UTS2B: variants seen among roughly 807,000 people sequenced by gnomAD.
The protein encoded by UTS2B is urotensin 2B.
In UTS2B, 21 loss-of-function variants were observed where a neutral mutation model predicts 19.2. The ratio of observed to expected loss-of-function variants is 1.09; its 90% CI spans 0.78 to 1.58. The LOEUF is 1.58. Ranked by LOEUF, UTS2B falls within the 40% of genes most tolerant of loss-of-function variation. The probability of loss-of-function intolerance (pLI) is 0.00; values close to 1 mark genes in which losing one functional copy is unlikely to be tolerated. For missense variants in UTS2B, 138 were observed against 130.3 expected (o/e 1.06, Z -0.29); for synonymous variants, 57 against 50.2 (o/e 1.14, Z -0.58).
At chr3:191,312,331 A>G (rs1459408281) in intron 3 of UTS2B, among the ~76,000 whole-genome samples, 1 of 152,126 alleles carries the variant, frequency 6.6e-6, no homozygotes, top group African/African-American at 2.4e-5. Flanking sequence ...GATCCTGAGG[A>G]CACCAAAAGT....
At chr3:191,274,157 C>A (rs1038299250) in intron 8 of UTS2B, among the ~76,000 whole-genome samples, 1 of 151,894 alleles carries the variant, frequency 6.6e-6, no homozygotes, top group African/African-American at 2.4e-5. Context: ...TCTTCTGCCA[C>A]TTCATCCTTC....
chr3:191,284,830 A>G (rs559844670), intron 4 of UTS2B, among the ~76,000 whole-genome samples: 2 of 152,198 alleles, frequency 1.3e-5, no homozygotes, highest in Admixed American at 6.5e-5. Flanking sequence ...GTGATGAAAA[A>G]TAAGTCCCTA....
rs1177052149 is a variant in UTS2B, at chr3:191,268,438, CA to C, written c.337del (p.Cys113AlafsTer42). On this transcript the variant is annotated frameshift_variant and splice_region_variant, in exon 9 of 9. Coordinates refer to ENST00000340524, the MANE Select transcript of UTS2B (RefSeq NM_198152.5). LOFTEE classifies it high-confidence loss of function. ...GCTTTAAACACAGTATTTCCAAAAG[CA>C]AGCTAAAGAAGAAAACAAAATACAT... ...LFSSHPSKRA[C>X]FWKYCV The C allele has an allele frequency of 6.4e-6, 10 of 1,559,884 alleles. No homozygotes were observed. Among genetic ancestry groups the C allele is most frequent in the Admixed American group, 1.8e-5 (1 of 56,836 alleles).
chr3:191,322,168 G>C (rs895724924), intron 2 of UTS2B, among the ~76,000 whole-genome samples: 1 of 152,082 alleles, frequency 6.6e-6, no homozygotes, highest in Non-Finnish European at 1.5e-5. Flanking sequence ...TAACCTGGTA[G>C]AAACATTTTA....
intron 3 of UTS2B, among the ~76,000 whole-genome samples, chr3:191,306,447 T>C (rs1717143777): frequency 2.6e-5 from 4 of 152,254 alleles, no homozygotes; most frequent in Admixed American, 2.6e-4. Flanking sequence ...TTTATATTTA[T>C]CATTTTAATC....
intron 4 of UTS2B, among the ~76,000 whole-genome samples, chr3:191,294,253 T>C (rs746798393): frequency 3.9e-5 from 6 of 151,916 alleles, no homozygotes; most frequent in Non-Finnish European, 7.4e-5. Context: ...TTTAGAATCA[T>C]TACCTAAGGG....
At chr3:191,287,262 G>C (rs191686121) in intron 4 of UTS2B, among the ~76,000 whole-genome samples, 14 of 152,084 alleles carry the variant, frequency 9.2e-5, no homozygotes, top group African/African-American at 3.4e-4. Flanking sequence ...ATGAGGCCAG[G>C]ATTACTCTGA....
chr3:191,319,899 T>C (rs55868217), intron 2 of UTS2B, among the ~76,000 whole-genome samples: 1 of 150,400 alleles, frequency 6.6e-6, no homozygotes, highest in African/African-American at 2.5e-5. Context: ...TTTTTTTTTT[T>C]AAAAACCTTA....
At chr3:191,301,999 T>G (rs948490087) in intron 4 of UTS2B, among the ~76,000 whole-genome samples, 1 of 152,138 alleles carries the variant, frequency 6.6e-6, no homozygotes, top group Non-Finnish European at 1.5e-5. Flanking sequence ...GGTTGAGGTC[T>G]GCTGGGCTGC....
the UTS2B span, among the ~76,000 whole-genome samples, chr3:191,339,547 T>G: frequency 0.091 from 13,779 of 152,232 alleles, 679 homozygotes; most frequent in East Asian, 0.25. Flanking sequence ...TAGGTTGTAC[T>G]GAAGCCAATT....
chr3:191,276,307 C>T (rs1177382337), intron 7 of UTS2B, among the ~76,000 whole-genome samples: 6 of 152,012 alleles, frequency 3.9e-5, no homozygotes, highest in Admixed American at 2.0e-4. Context: ...TGGAATTGCA[C>T]GGAGAAAAGG....
intron 7 of UTS2B, among the ~76,000 whole-genome samples, 176 bp from the exon 8 acceptor site, chr3:191,275,521 C>A (rs1236040833): frequency 6.6e-6 from 1 of 151,878 alleles, no homozygotes; most frequent in Non-Finnish European, 1.5e-5. Context: ...TCTACTAAAA[C>A]TACAAAAAAT....
At chr3:191,272,740 T>C (rs900717336) in intron 8 of UTS2B, among the ~76,000 whole-genome samples, 1 of 151,546 alleles carries the variant, frequency 6.6e-6, no homozygotes, top group African/African-American at 2.4e-5. Flanking sequence ...GCGTGCCTGT[T>C]ATCCTAGCTA....
At chr3:191,320,510 G>A (rs1214895013) in intron 2 of UTS2B, among the ~76,000 whole-genome samples, 1 of 152,186 alleles carries the variant, frequency 6.6e-6, no homozygotes, top group African/African-American at 2.4e-5. Context: ...GACATGCTCT[G>A]GCATGCTTTA....
the UTS2B span, among the ~76,000 whole-genome samples, chr3:191,338,873 T>C: frequency 7.9e-5 from 12 of 152,224 alleles, no homozygotes; most frequent in Non-Finnish European, 1.5e-4. Flanking sequence ...TTATATAAGA[T>C]GCTGGTAATT....
chr3:191,329,014 C>G (rs1293443487), intron 1 of UTS2B: 1 of 152,314 alleles, frequency 6.6e-6, no homozygotes, highest in African/African-American at 2.4e-5. Flanking sequence ...GAGAGGCAAG[C>G]ATGCAGTAAA....
chr3:191,320,412 A>C (rs77311767), intron 2 of UTS2B, among the ~76,000 whole-genome samples: 1,669 of 152,358 alleles, frequency 0.011, 29 homozygotes, highest in African/African-American at 0.037. Context: ...AGAGGAAGCC[A>C]GGAGGTGACT....
In UTS2B at chr3:191,310,836, T is replaced by G. The variant is rs577984118; in HGVS notation, c.-182+5200A>C. 8.5e-5 allele frequency among the ~76,000 whole-genome samples: 13 copies of G among 152,330 alleles called. No homozygotes were observed. The South Asian group carries it at 2.7e-3, about 32-fold the overall frequency. ...GATGAATTGATCAAAAAAGTGCTGC[T>G]AACTTCCCTACATCTCTTAAATATT... On this transcript the variant is annotated intron_variant, in intron 3 of 8. Coordinates refer to ENST00000340524, the MANE Select transcript of UTS2B (RefSeq NM_198152.5).
intron 2 of UTS2B, among the ~76,000 whole-genome samples, chr3:191,325,845 C>A (rs1009118536): frequency 1.3e-5 from 2 of 152,208 alleles, no homozygotes; most frequent in African/African-American, 4.8e-5. Context: ...AATGTTCTGA[C>A]ACCTTGCTCT....
Sources: allele counts gnomAD v4.1 joint callset (sites outside exome capture counted in the v4.1 genomes callset), GRCh38; gene constraint gnomAD v4.1.1; transcripts MANE v1.5; gene names NCBI Gene and HGNC (gene_info 2026-07-23, HGNC 2026-07-21).